RPS6KB1: variants seen among roughly 807,000 people sequenced by gnomAD.
RPS6KB1 encodes the protein ribosomal protein S6 kinase beta-1.
In RPS6KB1, 12 loss-of-function variants were observed where a neutral mutation model predicts 70.2. The observed-to-expected ratio is 0.17, with a 90% CI of 0.11 to 0.28. The LOEUF (loss-of-function observed/expected upper bound fraction) is 0.28. Among genes scored for constraint, RPS6KB1 ranks in the 10% least tolerant of loss-of-function variants. The pLI is 1.00. For synonymous variants in RPS6KB1, 175 were observed against 211.2 expected, an observed-to-expected ratio of 0.83 and a Z score of 1.49; for missense variants, 270 against 646.6, an observed-to-expected ratio of 0.42 and a Z score of 6.32.
intron 1 of RPS6KB1, among the ~76,000 whole-genome samples, chr17:59,895,992 A>G (rs1007029562): frequency 6.6e-6 from 1 of 152,196 alleles, no homozygotes; most frequent in East Asian, 1.9e-4. Flanking sequence ...TTAATCGAAC[A>G]TAATGGTACA....
At chr17:59,897,733 G>A (rs1291964980) in intron 1 of RPS6KB1, among the ~76,000 whole-genome samples, 1 of 152,118 alleles carries the variant, frequency 6.6e-6, no homozygotes, top group Non-Finnish European at 1.5e-5. Flanking sequence ...TTGGGAGGCC[G>A]AGGCAGGTGG....
At chr17:59,935,384 A>C in intron 10 of RPS6KB1, 84 bp downstream of exon 10, 1 of 726,626 alleles carries the variant, frequency 1.4e-6, no homozygotes, top group Non-Finnish European at 2.3e-6. Context: ...ATTTTGAATA[A>C]AGAGTCATAT....
At chr17:59,915,861 C>T (rs556994347) in intron 4 of RPS6KB1, among the ~76,000 whole-genome samples, 22 of 141,734 alleles carry the variant, frequency 1.6e-4, no homozygotes, top group African/African-American at 6.0e-4. Context: ...TCTCGGCTCA[C>T]CACAACCTCC....
intron 12 of RPS6KB1, among the ~76,000 whole-genome samples, 178 bp downstream of exon 12, chr17:59,936,719 G>A (rs1309149981): frequency 6.6e-6 from 1 of 152,194 alleles, no homozygotes; most frequent in Non-Finnish European, 1.5e-5. Flanking sequence ...GGCGGCTTGT[G>A]CCTGTAAGTC....
intron 2 of RPS6KB1, 62 bp from the exon 3 acceptor site, chr17:59,912,622 C>G: frequency 1.3e-6 from 2 of 1,549,748 alleles, no homozygotes; most frequent in Non-Finnish European, 1.8e-6. Flanking sequence ...TTTTTCTTGA[C>G]TATATGCTGA....
intron 5 of RPS6KB1, among the ~76,000 whole-genome samples, chr17:59,927,941 T>C (rs567988376): frequency 5.3e-5 from 8 of 151,882 alleles, no homozygotes; most frequent in Admixed American, 1.3e-4. Flanking sequence ...GGGCGGATCA[T>C]GAGGTCAGGA....
intron 4 of RPS6KB1, among the ~76,000 whole-genome samples, chr17:59,923,514 T>A (rs2043403591): frequency 6.6e-6 from 1 of 151,982 alleles, no homozygotes; most frequent in Non-Finnish European, 1.5e-5. Context: ...TTTTTATTTT[T>A]ATTTTTTTAT....
chr17:59,926,721 T>G, intron 5 of RPS6KB1, 139 bp downstream of exon 5: 1 of 603,738 alleles, frequency 1.7e-6, no homozygotes, highest in South Asian at 3.3e-5. Context: ...AAGTACAAAA[T>G]TCAGATGTGA....
intron 4 of RPS6KB1, among the ~76,000 whole-genome samples, chr17:59,925,324 T>C (rs1164766362): frequency 6.6e-6 from 1 of 152,188 alleles, no homozygotes; most frequent in Non-Finnish European, 1.5e-5. Flanking sequence ...CTGGAACTTA[T>C]ACCTGGCATG....
chr17:59,919,559 C>T (rs115243270), intron 4 of RPS6KB1, among the ~76,000 whole-genome samples: 2,040 of 152,190 alleles, frequency 0.013, 37 homozygotes, highest in African/African-American at 0.046. Flanking sequence ...AAAAAGCATT[C>T]TGGAGCTGAG....
rs549366970 is a variant in RPS6KB1 at position 59,947,924 on chromosome 17, A to G, written c.*1136A>G. 12 of 295,900 alleles carry G rather than the reference A, an allele frequency of 4.1e-5. No individual in the cohort carries two copies. In the East Asian group the frequency reaches 6.7e-4, roughly 16 times the overall value. 18.3% of individuals were successfully genotyped at this position (295,900 alleles called of 1,614,324 possible). On this transcript the variant is annotated 3_prime_UTR_variant, in exon 15 of 15. Coordinates refer to ENST00000225577, the MANE Select transcript of RPS6KB1 (RefSeq NM_003161.4). ...CTTCTTTCTACTGTTTCTGCTGTCT[A>G]CCTTCCTTATATTTTTTTCCTCAAC...
At chr17:59,905,099 C>A (rs563791187) in intron 1 of RPS6KB1, among the ~76,000 whole-genome samples, 2 of 152,192 alleles carry the variant, frequency 1.3e-5, no homozygotes, top group African/African-American at 4.8e-5. Context: ...TCACTGCAGC[C>A]TTGACCTCTT....
rs180523 is a variant in RPS6KB1 at position 59,936,548 on chromosome 17, A to G, written c.1119+7A>G. The G allele has an allele frequency of 0.15, 240,756 of 1,607,982 alleles. 18,971 individuals carry two copies. The highest frequency in any genetic ancestry group is 0.18 in the Middle Eastern group (1,077 of 6,038). ...CCCCTTTAAACCTCTGTTGGTAAGTATACATGAAAGTGTATAATTGGGTGC... is the reference window on the plus strand; with the variant it reads ...CCCCTTTAAACCTCTGTTGGTAAGTGTACATGAAAGTGTATAATTGGGTGC... On this transcript the variant is annotated splice_region_variant and intron_variant, in intron 12 of 14. Coordinates refer to ENST00000225577, the MANE Select transcript of RPS6KB1 (RefSeq NM_003161.4).
intron 1 of RPS6KB1, among the ~76,000 whole-genome samples, chr17:59,902,323 T>C (rs1478629735): frequency 2.6e-5 from 4 of 152,028 alleles, no homozygotes; most frequent in African/African-American, 9.7e-5. Context: ...CAGGCTGGTC[T>C]CAAACTCCTG....
Position 59,941,965 on chromosome 17 carries a change from C to T in RPS6KB1, c.1227+1022C>T, listed in dbSNP as rs1447851544. Among the ~76,000 whole-genome samples, 3 of 151,170 alleles carry T rather than the reference C, an allele frequency of 2.0e-5. No homozygotes were observed. The East Asian group carries it at 5.9e-4, about 29-fold the overall frequency. ...GCTCCACCTCCCGGGTTCACACCAT[C>T]CTCCTGCCTCAGCCTCCTGAGTAGC... On this transcript the variant is annotated intron_variant, in intron 13 of 14. Coordinates refer to ENST00000225577, the MANE Select transcript of RPS6KB1 (RefSeq NM_003161.4).
intron 2 of RPS6KB1, 172 bp from the exon 3 acceptor site, chr17:59,912,512 C>T (rs2042709300): frequency 1.8e-6 from 1 of 552,044 alleles, no homozygotes; most frequent in South Asian, 2.6e-5. Flanking sequence ...TATCAGGCCA[C>T]CCTCCTCTTG....
intron 10 of RPS6KB1, among the ~76,000 whole-genome samples, chr17:59,935,523 A>G (rs1230360808): frequency 6.6e-6 from 1 of 151,204 alleles, no homozygotes; most frequent in Admixed American, 6.6e-5. Flanking sequence ...CACCCAGGCT[A>G]GAGTGCAGTG....
chr17:59,904,436 C>T (rs1386772173), intron 1 of RPS6KB1, among the ~76,000 whole-genome samples: 1 of 151,712 alleles, frequency 6.6e-6, no homozygotes, highest in Non-Finnish European at 1.5e-5. Context: ...CTCTATTGCC[C>T]AGGCTGGAGT....
intron 1 of RPS6KB1, among the ~76,000 whole-genome samples, chr17:59,907,770 A>G (rs1302527807): frequency 6.6e-6 from 1 of 152,078 alleles, no homozygotes; most frequent in Non-Finnish European, 1.5e-5. Context: ...TTGAACTCCA[A>G]GTAATCCTCC....
Sources: allele counts gnomAD v4.1 joint callset (sites outside exome capture counted in the v4.1 genomes callset), GRCh38; gene constraint gnomAD v4.1.1; transcripts MANE v1.5; gene names NCBI Gene and HGNC (gene_info 2026-07-23, HGNC 2026-07-21).